Variants in MDM1 observed in about 807,000 individuals in gnomAD.
MDM1 encodes the protein Mdm1 nuclear protein.
MDM1 carries 61 observed loss-of-function variants against 89.1 expected under a neutral mutation model. The ratio of observed to expected loss-of-function variants is 0.68; its 90% CI spans 0.56 to 0.85. The LOEUF is 0.85. MDM1 is among the 40% of genes least tolerant of loss of function. The pLI, the probability that MDM1 is intolerant of heterozygous loss-of-function variation, is 0.00. For synonymous variants in MDM1, 290 were observed against 294.1 expected (o/e 0.99, Z 0.14); for missense variants, 820 against 846.5 (o/e 0.97, Z 0.39).
intron 12 of MDM1, among the ~76,000 whole-genome samples, chr12:68,305,952 C>CAA (rs111412907): frequency 2.1e-5 from 2 of 96,382 alleles, no homozygotes; most frequent in African/African-American, 3.9e-5. Context: ...CAATCCTAAG[C>CAA]AAAAAAAAAA....
chr12:68,298,377 C>A (rs1403239913), intron 13 of MDM1, among the ~76,000 whole-genome samples: 2 of 152,182 alleles, frequency 1.3e-5, no homozygotes, highest in African/African-American at 4.8e-5. Flanking sequence ...AGCAGAGACA[C>A]AATTGCAGTG....
chr12:68,324,229 C>A (rs1875639025), intron 4 of MDM1, among the ~76,000 whole-genome samples: 1 of 152,006 alleles, frequency 6.6e-6, no homozygotes, highest in Non-Finnish European at 1.5e-5. Flanking sequence ...CATGTAAAAG[C>A]CCTATTTGAT....
intron 12 of MDM1, among the ~76,000 whole-genome samples, chr12:68,303,316 G>T (rs1033366409): frequency 6.6e-6 from 1 of 152,008 alleles, no homozygotes; most frequent in Non-Finnish European, 1.5e-5. Flanking sequence ...AATTTTTCAC[G>T]TACCAAATTT....
At chr12:68,327,141 T>C in intron 2 of MDM1, 120 bp from the exon 3 acceptor site, 1 of 1,412,720 alleles carries the variant, frequency 7.1e-7, no homozygotes, top group Non-Finnish European at 9.2e-7. Context: ...TATGTACCTA[T>C]ATATACACAC....
At chr12:68,314,071 A>G (rs934291294) in intron 10 of MDM1, among the ~76,000 whole-genome samples, 4 of 146,980 alleles carry the variant, frequency 2.7e-5, no homozygotes, top group African/African-American at 7.5e-5. Context: ...CAGAAGGCGG[A>G]GCTTGCAGTG....
chr12:68,295,401 C>A, intron 14 of MDM1, 35 bp from the exon 15 acceptor site: 2 of 1,241,554 alleles, frequency 1.6e-6, no homozygotes, highest in South Asian at 1.3e-5. Context: ...ATATTCATTG[C>A]CAAAAATATC....
In MDM1 at chr12:68,299,634, TAAAG is replaced by T. The variant is rs561747924; in HGVS notation, c.2003-2656_2003-2653del. On this transcript the variant is annotated intron_variant, in intron 13 of 14. Coordinates refer to ENST00000682720, the MANE Select transcript of MDM1 (RefSeq NM_001354969.2). ...TCGAATTAACCCAATCAAACAAAAA[TAAAG>T]AAAAAAGAATCAAATGAAATGAACA... is the stretch of plus-strand genomic sequence containing the variant. 4.3e-3 allele frequency among the ~76,000 whole-genome samples: 648 copies of T among 151,398 alleles called. 2 individuals are homozygous for T. Among genetic ancestry groups the T allele is most frequent in the African/African-American group, 0.015 (614 of 41,228 alleles).
rs139463520 is a variant in MDM1 at position 68,325,559 on chromosome 12, C to A, written c.515G>T (p.Arg172Leu). The change falls in exon 4 of 15, where the codon CGT becomes CTT. Residue 172 changes from arginine (R) to leucine (L), a missense_variant. Arg to Leu is a moderately radical substitution (Grantham distance 102). Coordinates refer to ENST00000682720, the MANE Select transcript of MDM1 (RefSeq NM_001354969.2). ...AACAACAGTCAATCCAGCTTTCTTA[C>A]GCAGAAGTCTATCCAACTGTTCAAA... The part of the protein sequence containing the change: ...NVDNGLDRLL[R>L]KKAGLTVVPS... The A allele has an allele frequency of 5.1e-6, 8 of 1,576,936 alleles. No individual in the cohort carries two copies. The highest frequency in any genetic ancestry group is 1.8e-4 in the Middle Eastern group (1 of 5,540).
intron 13 of MDM1, among the ~76,000 whole-genome samples, chr12:68,300,039 C>G (rs895337134): frequency 6.6e-6 from 1 of 152,170 alleles, no homozygotes; most frequent in African/African-American, 2.4e-5. Flanking sequence ...TCTTTAGCCT[C>G]CTTAAACAGA....
chr12:68,315,356 C>T lies in MDM1; in HGVS notation c.1212-91G>A, dbSNP rs1251200339. On this transcript the variant is annotated intron_variant, in intron 9 of 14. Transcript: ENST00000682720. ...TTAGTGAGTCCATCATTTCCTTCTA[C>T]TGTTCACAACTACATGTTTTCCATA... 5.2e-6 allele frequency: 6 copies of T among 1,164,246 alleles called. No individual in the cohort carries two copies. The Admixed American group carries it at 1.4e-4, about 27-fold the overall frequency. 72.1% of individuals were successfully genotyped at this position (1,164,246 alleles called of 1,614,324 possible). A position where few individuals can be genotyped will look rare whatever the true frequency, so the allele number is the denominator to read the frequency against.
Position 68,313,436 on chromosome 12 carries a change from T to C in MDM1, c.1749+7A>G, listed in dbSNP as rs544861725. 3.1e-4 allele frequency: 492 copies of C among 1,591,228 alleles called. 6 individuals carry two copies. In the South Asian group the frequency reaches 5.1e-3, roughly 17 times the overall value. The stretch of plus-strand genomic sequence containing the variant: ...ATGAGATGCTTTTTTCCCCAAAACA[T>C]GTTTACCTTAGTAAAATCATTCTTT... On this transcript the variant is annotated splice_region_variant and intron_variant, in intron 12 of 14. Transcript: ENST00000682720.
intron 10 of MDM1, among the ~76,000 whole-genome samples, chr12:68,314,044 G>A (rs912768022): frequency 3.0e-4 from 46 of 151,218 alleles, no homozygotes; most frequent in Non-Finnish European, 5.7e-4. Context: ...GGCTGAGGCG[G>A]GAGAATGGCG....
At chr12:68,297,701 T>A (rs1871596127) in intron 13 of MDM1, among the ~76,000 whole-genome samples, 1 of 152,162 alleles carries the variant, frequency 6.6e-6, no homozygotes, top group African/African-American at 2.4e-5. Flanking sequence ...CAGAGATACT[T>A]TGACTGAAGG....
intron 13 of MDM1, among the ~76,000 whole-genome samples, chr12:68,299,139 A>G (rs1871809623): frequency 6.6e-6 from 1 of 152,186 alleles, no homozygotes; most frequent in Admixed American, 6.5e-5. Flanking sequence ...AAAAACACAC[A>G]TAGTCAAATC....
intron 12 of MDM1, among the ~76,000 whole-genome samples, chr12:68,307,953 T>C (rs1338205263): frequency 7.1e-6 from 1 of 141,016 alleles, no homozygotes; most frequent in Non-Finnish European, 1.6e-5. Flanking sequence ...AAAAAAAAAG[T>C]GAATATAAAA....
intron 12 of MDM1, 91 bp downstream of exon 12, chr12:68,313,352 T>C: frequency 1.1e-6 from 1 of 919,730 alleles, no homozygotes; most frequent in South Asian, 1.6e-5. Context: ...TAGCCACAAT[T>C]CTCTAAAATC....
Position 68,314,870 on chromosome 12 carries a change from A to G in MDM1, c.1529+78T>C, listed in dbSNP as rs1175742476. On this transcript the variant is annotated intron_variant, in intron 10 of 14. Transcript: ENST00000682720. ...ATTAGTCATAAAATCAAAAGAGTAA[A>G]CCACTATATTTAGTGACAAAATACA... is the stretch of plus-strand genomic sequence containing the variant. 3 of 1,218,646 alleles carry G rather than the reference A, an allele frequency of 2.5e-6. No homozygotes were observed. The East Asian group carries it at 7.0e-5, about 28-fold the overall frequency. 75.5% of individuals were successfully genotyped at this position (1,218,646 alleles called of 1,614,324 possible).
chr12:68,319,759 C>G (rs199948922), intron 7 of MDM1, among the ~76,000 whole-genome samples: 1 of 152,208 alleles, frequency 6.6e-6, no homozygotes, highest in East Asian at 1.9e-4. Flanking sequence ...TATTTACAAC[C>G]ACCATTATAG....
intron 1 of MDM1, among the ~76,000 whole-genome samples, chr12:68,331,652 T>C (rs1465773361): frequency 1.3e-5 from 2 of 152,210 alleles, no homozygotes; most frequent in African/African-American, 2.4e-5. Context: ...CCATTCTGAA[T>C]ACACGCCTTT....
Sources: allele counts gnomAD v4.1 joint callset (sites outside exome capture counted in the v4.1 genomes callset), GRCh38; gene constraint gnomAD v4.1.1; transcripts MANE v1.5; gene names NCBI Gene and HGNC (gene_info 2026-07-23, HGNC 2026-07-21).